Variants in MACF1 observed in about 807,000 individuals in gnomAD.
The protein encoded by MACF1 is microtubule actin crosslinking factor 1, also known as microtubule-actin cross-linking factor 1.
MACF1 carries 193 observed loss-of-function variants against 854.8 expected under a neutral mutation model. That is an observed-to-expected ratio of 0.23 (90% confidence interval 0.20 to 0.25). The LOEUF is 0.25. Among genes scored for constraint, MACF1 ranks in the 10% least tolerant of loss-of-function variants. The pLI is 1.00. For synonymous variants in MACF1, 3,185 were observed against 3,226.7 expected, an observed-to-expected ratio of 0.99 and a Z score of 0.44; for missense variants, 7,722 against 8,929.1, an observed-to-expected ratio of 0.86 and a Z score of 5.45.
chr1:39,479,394 A>T (rs746008244), intron 97 of MACF1, among the ~76,000 whole-genome samples: 1 of 152,222 alleles, frequency 6.6e-6, no homozygotes, highest in Non-Finnish European at 1.5e-5. Context: ...TTTCATTACC[A>T]CATATCCTGC....
chr1:39,157,702 G>A (rs144765625), intron 2 of MACF1, among the ~76,000 whole-genome samples: 2 of 152,234 alleles, frequency 1.3e-5, no homozygotes, highest in African/African-American at 4.8e-5. Context: ...CTTAACCTCT[G>A]TCTATTTACT....
rs145602452 is a variant in MACF1 at position 39,231,099 on chromosome 1, CAG to C, written c.110-79_110-78del. 4.1e-3 allele frequency: 4,145 copies of C among 1,011,776 alleles called. 122 individuals are homozygous for C. In the African/African-American group the frequency reaches 0.059, roughly 14 times the overall value. 62.7% of individuals were successfully genotyped at this position (1,011,776 alleles called of 1,614,324 possible). On this transcript the variant is annotated intron_variant, in intron 1 of 100. Transcript: ENST00000564288. ...ATGTGGGTAAGTTGTTCTAGAGAAACAGAGATGTGGGCAGGGCAGCAGCGTGG... is the reference window on the plus strand; with the variant it reads ...ATGTGGGTAAGTTGTTCTAGAGAAACAGATGTGGGCAGGGCAGCAGCGTGG...
At chr1:39,371,613 G>C (rs911323858) in intron 51 of MACF1, among the ~76,000 whole-genome samples, 2 of 152,058 alleles carry the variant, frequency 1.3e-5, no homozygotes, top group Non-Finnish European at 2.9e-5. Context: ...GTTTCCTGAC[G>C]GATTTCTGTG....
At chr1:39,248,292 C>T (rs1645004132) in intron 2 of MACF1, among the ~76,000 whole-genome samples, 1 of 152,060 alleles carries the variant, frequency 6.6e-6, no homozygotes, top group East Asian at 1.9e-4. Flanking sequence ...CCATTCTTAT[C>T]CTACTTTCTT....
chr1:39,211,982 T>C (rs989328650), intron 1 of MACF1, among the ~76,000 whole-genome samples: 1 of 124,348 alleles, frequency 8.0e-6, no homozygotes, highest in East Asian at 2.5e-4. Flanking sequence ...TTGTGTCTTT[T>C]ATATCCTTAA....
rs752796678 is a variant in MACF1, at chr1:39,310,319, G to C, written c.2991G>C (p.Gln997His). 1.2e-6 allele frequency: 2 copies of C among 1,614,034 alleles called. No homozygotes were observed. The highest frequency in any genetic ancestry group is 8.5e-7 in the Non-Finnish European group (1 of 1,180,018). The change falls in exon 25 of 101, where the codon CAG becomes CAC. Residue 997 changes from glutamine to histidine, a missense_variant. Around this residue, in one of 15 missense-constraint regions of MACF1, gnomAD observed 1,137 missense variants for 1,263.0 expected, o/e 0.90. Coordinates refer to ENST00000564288, the MANE Select transcript of MACF1 (RefSeq NM_001394062.1). ...AGGCCCACTATGAAGACTTTCTGCAGGATAGTCGTGACTCTGTGCTGTTCT... is the reference window on the plus strand; with the variant it reads ...AGGCCCACTATGAAGACTTTCTGCACGATAGTCGTGACTCTGTGCTGTTCT... Reference protein sequence around the residue: ...NLQAHYEDFLQDSRDSVLFSV... With the variant: ...NLQAHYEDFLHDSRDSVLFSV...
Position 39,409,558 on chromosome 1 carries a change from G to T in MACF1, c.15817-12816G>T, listed in dbSNP as rs1642893119. On this transcript the variant is annotated intron_variant, in intron 58 of 100. Coordinates refer to ENST00000564288, the MANE Select transcript of MACF1 (RefSeq NM_001394062.1). This position sits in a 1 kb window ranked among gnomAD's most constrained non-coding sequence, Gnocchi z 4.2. ...TGCCTTTCCGAAGGCCTGGCGCGGG[G>T]CTCCGCTCGCCTTGTTTTGCAGCTA... is the stretch of plus-strand genomic sequence containing the variant. The T allele has an allele frequency of 6.6e-6, 1 of 152,352 alleles. No individual in the cohort carries two copies. Among genetic ancestry groups the T allele is most frequent in the African/African-American group, 2.4e-5 (1 of 41,460 alleles). 9.4% of individuals were successfully genotyped at this position (152,352 alleles called of 1,614,324 possible).
chr1:39,348,935 C>T (rs183018219), intron 41 of MACF1, among the ~76,000 whole-genome samples: 6 of 152,140 alleles, frequency 3.9e-5, no homozygotes, highest in Non-Finnish European at 5.9e-5. Context: ...TCATGCCTGG[C>T]GTGTAATCAT....
At position 39,379,306 on chromosome 1, in the gene MACF1, C is replaced by T. The variant is rs1341537239; in HGVS notation, c.13380C>T (p.Asn4460=). The T allele has an allele frequency of 1.2e-6, 2 of 1,613,858 alleles. No individual in the cohort carries two copies. The highest frequency in any genetic ancestry group is 1.3e-5 in the African/African-American group (1 of 74,876). The change falls in exon 54 of 101, where the codon AAC becomes AAT. Residue 4460 remains asparagine, a synonymous_variant. Transcript: ENST00000564288. ...ERQESLQAIL[N]RMEEVHKEAN... Reference sequence around the variant, plus strand: ...AGGAAAGCCTTCAGGCTATCCTCAACAGAATGGAGGAGGTTCACAAGGAGG... The same window carrying T: ...AGGAAAGCCTTCAGGCTATCCTCAATAGAATGGAGGAGGTTCACAAGGAGG...
rs1460671765 is a variant in MACF1, at chr1:39,448,668, A to G, written c.20163A>G (p.Glu6721=). The change falls in exon 84 of 101, where the codon GAA becomes GAG. Residue 6721 remains glutamate (E), a synonymous_variant. Transcript: ENST00000564288. ...TTAGAACTGGCAGAGCACTGAAAGA[A>G]AAGACTTTGCTTCCCGAAGATAGTC... is the stretch of plus-strand genomic sequence containing the variant. ...TTIRTGRALK[E]KTLLPEDSQK... 1 of 1,613,492 alleles carries G rather than the reference A, an allele frequency of 6.2e-7. No individual in the cohort carries two copies. The highest frequency in any genetic ancestry group is 8.5e-7 in the Non-Finnish European group (1 of 1,179,580).
chr1:39,464,757 C>T (rs1644626853), intron 94 of MACF1: 3 of 270,682 alleles, frequency 1.1e-5, no homozygotes, highest in Non-Finnish European at 7.2e-6. Flanking sequence ...CTACTAATAA[C>T]ACAAAAATTA....
intron 43 of MACF1, 142 bp downstream of exon 43, chr1:39,351,160 T>G: frequency 1.6e-6 from 1 of 621,864 alleles, no homozygotes. Context: ...AGTCTGGTTT[T>G]TGTTTTTTGA....
At chr1:39,474,951 C>T (rs1644849811) in intron 97 of MACF1, among the ~76,000 whole-genome samples, 1 of 152,076 alleles carries the variant, frequency 6.6e-6, no homozygotes, top group Non-Finnish European at 1.5e-5. Flanking sequence ...AGTAAGGGGA[C>T]AAGTAGTCCC....
chr1:39,360,013 ATATAT>A (rs1315545721), intron 47 of MACF1, among the ~76,000 whole-genome samples: 21 of 20,938 alleles, frequency 1.0e-3, no homozygotes, highest in African/African-American at 1.2e-3. Flanking sequence ...AAAAAAAAAA[ATATAT>A]ATATATATAT....
Position 39,435,631 on chromosome 1 carries a change from A to C in MACF1, c.17858A>C (p.Glu5953Ala), listed in dbSNP as rs753716471. 6.2e-7 allele frequency: 1 copy of C among 1,614,220 alleles called. No homozygotes were observed. Among genetic ancestry groups the C allele is most frequent in the African/African-American group, 1.3e-5 (1 of 75,052 alleles). ...KLLKIGPQLK[E>A]LNPEEGEMVE... ...CTAAAGATAGGCCCACAACTAAAGG[A>C]ATTAAACCCTGAGGAAGGGGAAATG... Residue 5953 changes from glutamate to alanine, a missense_variant, in exon 70 of 101, where the codon GAA becomes GCA. Glu to Ala is a moderately radical substitution (Grantham distance 107, BLOSUM62 -1). Around this residue, in one of 15 missense-constraint regions of MACF1, gnomAD observed 2,807 missense variants for 3,235.8 expected, o/e 0.87. Transcript: ENST00000564288.
intron 58 of MACF1, among the ~76,000 whole-genome samples, chr1:39,400,407 C>T (rs1027864363): frequency 4.0e-5 from 6 of 151,834 alleles, no homozygotes; most frequent in Non-Finnish European, 7.4e-5. Flanking sequence ...ATTTGGTGCT[C>T]AGCTCACTAG....
In MACF1 at chr1:39,447,571, A is replaced by G. The variant is rs1452534205; in HGVS notation, c.19745A>G (p.Gln6582Arg). 6.2e-7 allele frequency: 1 copy of G among 1,614,092 alleles called. No homozygotes were observed. The highest frequency in any genetic ancestry group is 8.5e-7 in the Non-Finnish European group (1 of 1,180,042). ...PSLILNTVLS[Q>R]IEEHKVFANE... ...CTGATTCTAAATACTGTCCTTTCCC[A>G]GATAGAAGAGCACAAGGTAAGTATG... The change falls in exon 81 of 101, where the codon CAG becomes CGG. Residue 6582 changes from glutamine to arginine, a missense_variant. By Grantham distance (43) the Gln-to-Arg change is conservative. This residue lies in a region of MACF1 where 729 missense variants were observed against 900.5 expected (regional missense o/e 0.81). Coordinates refer to ENST00000564288, the MANE Select transcript of MACF1 (RefSeq NM_001394062.1).
At chr1:39,132,575 G>A (rs925884570) in intron 2 of MACF1, among the ~76,000 whole-genome samples, 28 of 152,140 alleles carry the variant, frequency 1.8e-4, no homozygotes, top group Non-Finnish European at 3.2e-4. Context: ...TATTGAAAAC[G>A]GAGTAGTCAT....
rs770303770 is a variant in MACF1, at chr1:39,335,328, G to T, written c.8740G>T (p.Val2914Leu). ...TACAAATGAAGAGCAGGAAAAAGCA[G>T]TGACAAAAATAGAAATTATTTCTCA... ...NDTNEEQEKAVTKIEIISHMK... is the reference protein window; with the variant it reads ...NDTNEEQEKALTKIEIISHMK... Residue 2914 changes from valine to leucine, a missense_variant, in exon 37 of 101, where the codon GTG (valine) becomes TTG (leucine). This residue lies in a region of MACF1 where 854 missense variants were observed against 852.6 expected (regional missense o/e 1.00). Transcript: ENST00000564288. 6.2e-7 allele frequency: 1 copy of T among 1,613,882 alleles called. No individual in the cohort carries two copies. The highest frequency in any genetic ancestry group is 1.1e-5 in the South Asian group (1 of 91,026).
Sources: gnomAD v4.1 joint callset for allele counts (sites outside exome capture counted in the v4.1 genomes callset) on GRCh38, gnomAD v4.1.1 for gene constraint, gnomAD v4.1.1 regional missense constraint, Gnocchi (gnomAD v3.1) non-coding constraint, MANE v1.5 for transcripts, NCBI Gene and HGNC (gene_info 2026-07-23, HGNC 2026-07-21) for gene names.